TTI1: variants seen among roughly 807,000 people sequenced by gnomAD.
TTI1 encodes the protein TELO2 interacting protein 1.
In TTI1, 52 loss-of-function variants were observed where a neutral mutation model predicts 85.4. The observed-to-expected ratio is 0.61, with a 90% CI of 0.49 to 0.77. The LOEUF (loss-of-function observed/expected upper bound fraction) is 0.77, where lower values mean the gene tolerates loss of function less well. Ranked by LOEUF, TTI1 falls within the 30% of genes least tolerant of loss-of-function variation. TTI1 has a pLI of 0.00. For synonymous variants in TTI1, 512 were observed against 503.9 expected, an observed-to-expected ratio of 1.02 and a Z score of -0.22; for missense variants, 1,173 against 1,296.0, an observed-to-expected ratio of 0.91 and a Z score of 1.46.
chr20:37,988,378 C>T (rs1465521533), intron 7 of TTI1, among the ~76,000 whole-genome samples: 1 of 152,246 alleles, frequency 6.6e-6, no homozygotes, highest in Non-Finnish European at 1.5e-5. Flanking sequence ...AGAACCCCCT[C>T]TGCTCTGCTG....
At chr20:37,996,276 A>G (rs1483737814) in intron 7 of TTI1, 99 bp downstream of exon 7, 2 of 1,247,258 alleles carry the variant, frequency 1.6e-6, no homozygotes, top group African/African-American at 1.5e-5. Flanking sequence ...GCAGGGTGAC[A>G]GAGAAAAGAG....
At chr20:38,006,059 A>T in intron 3 of TTI1, 138 bp downstream of exon 3, 1 of 962,594 alleles carries the variant, frequency 1.0e-6, no homozygotes, top group Non-Finnish European at 1.5e-6. Flanking sequence ...TACACAAAAC[A>T]GGAGAATAGC....
At position 38,012,845 on chromosome 20, in the gene TTI1, T is replaced by C. The variant is rs569302194; in HGVS notation, c.972A>G (p.Ser324=). The C allele has an allele frequency of 5.6e-6, 9 of 1,614,206 alleles. No individual in the cohort carries two copies. Among genetic ancestry groups the C allele is most frequent in the East Asian group, 2.2e-5 (1 of 44,882 alleles). ...GAAGGGGACCAGCACATTCGACCAATGATTGACTGCACTTCAAAAGAAGGT... is the reference window on the plus strand; with the variant it reads ...GAAGGGGACCAGCACATTCGACCAACGATTGACTGCACTTCAAAAGAAGGT... ...VEDLLLKCSQ[S]LVECAGPLLK... is the part of the protein sequence containing the mutation. Residue 324 remains serine, a synonymous_variant, in exon 2 of 8, where the codon TCA becomes TCG. Coordinates refer to ENST00000373447, the MANE Select transcript of TTI1 (RefSeq NM_001303457.2).
chr20:38,031,228 G>A (rs542185618), intron 1 of TTI1, among the ~76,000 whole-genome samples: 97 of 152,318 alleles, frequency 6.4e-4, no homozygotes, highest in Non-Finnish European at 1.1e-3. Context: ...AAACTGCCCA[G>A]TGGACTTCAT....
intron 1 of TTI1, among the ~76,000 whole-genome samples, chr20:38,027,593 T>C (rs1271829662): frequency 1.3e-5 from 2 of 152,170 alleles, no homozygotes; most frequent in Non-Finnish European, 2.9e-5. Context: ...TATGCTGTGT[T>C]CTTACAATAA....
chr20:37,984,238 T>C (rs1208396666), intron 7 of TTI1, among the ~76,000 whole-genome samples: 1 of 152,202 alleles, frequency 6.6e-6, no homozygotes, highest in Non-Finnish European at 1.5e-5. Context: ...CCACAGAATA[T>C]GCCGCCTTTG....
chr20:37,984,370 G>A (rs1196765014), intron 7 of TTI1, among the ~76,000 whole-genome samples: 1 of 152,196 alleles, frequency 6.6e-6, no homozygotes, highest in African/African-American at 2.4e-5. Context: ...GAGCTCAAGG[G>A]CCCTGGGCTA....
rs906027014 is a variant in TTI1 at position 38,002,883 on chromosome 20, A to C, written c.2504-107T>G. ...TCAGTCTTAGGTATTTGGTTACAGC[A>C]GCACAAATGGACTGAGACACCTCCA... On this transcript the variant is annotated intron_variant, in intron 3 of 7. Transcript: ENST00000373447. 4.8e-6 allele frequency: 7 copies of C among 1,471,282 alleles called. No individual in the cohort carries two copies. In the South Asian group the frequency reaches 8.5e-5, roughly 18 times the overall value. 91.1% of individuals were successfully genotyped at this position (1,471,282 alleles called of 1,614,324 possible).
intron 1 of TTI1, among the ~76,000 whole-genome samples, chr20:38,029,855 C>T (rs905015808): frequency 6.6e-6 from 1 of 152,154 alleles, no homozygotes; most frequent in African/African-American, 2.4e-5. Flanking sequence ...GCACACTCAG[C>T]CCCCTGGCCC....
intron 1 of TTI1, among the ~76,000 whole-genome samples, chr20:38,031,263 C>T (rs915999707): frequency 6.6e-6 from 1 of 152,228 alleles, no homozygotes; most frequent in East Asian, 1.9e-4. Flanking sequence ...CATCTAAAGT[C>T]TATACTATTG....
At chr20:38,020,321 A>ATATATATATATAT (rs1443587921) in intron 1 of TTI1, among the ~76,000 whole-genome samples, 186 of 42,542 alleles carry the variant, frequency 4.4e-3, no homozygotes, top group African/African-American at 0.016. Flanking sequence ...AAAAAAAAAA[A>ATATATATATATAT]AAATATATAT....
rs142891009 is a variant in TTI1 at position 37,996,233 on chromosome 20, G to A, written c.3086+142C>T. ...ACATCTAGTAAAAATACCATCTCTA[G>A]TGCTGGCACAGTTAAAGAATTATCT... On this transcript the variant is annotated intron_variant, in intron 7 of 7. Coordinates refer to ENST00000373447, the MANE Select transcript of TTI1 (RefSeq NM_001303457.2). 993 of 825,844 alleles carry A rather than the reference G, an allele frequency of 1.2e-3. 15 individuals are homozygous for A. The African/African-American group carries it at 0.016, about 13-fold the overall frequency. 51.2% of individuals were successfully genotyped at this position (825,844 alleles called of 1,614,324 possible).
intron 1 of TTI1, among the ~76,000 whole-genome samples, chr20:38,021,547 A>G (rs1190436067): frequency 6.6e-6 from 1 of 152,226 alleles, no homozygotes; most frequent in Non-Finnish European, 1.5e-5. Flanking sequence ...CTGGATGAGT[A>G]GACAAAACCA....
Position 38,006,208 on chromosome 20 carries a change from T to C in TTI1, c.2492A>G (p.Asp831Gly). 6.2e-7 allele frequency: 1 copy of C among 1,614,216 alleles called. No homozygotes were observed. The highest frequency in any genetic ancestry group is 8.5e-7 in the Non-Finnish European group (1 of 1,180,034). Residue 831 changes from aspartate (D) to glycine (G), a missense_variant, in exon 3 of 8, where the codon GAT becomes GGT. Transcript: ENST00000373447. ...AATAAACAAGTTACCTTCTTCATTA[T>C]CAAAATCCGAGACATTTCCATCTGC... Reference protein sequence around the residue: ...DVADGNVSDFDNEEEEQSVPP... With the variant: ...DVADGNVSDFGNEEEEQSVPP...
At chr20:37,984,766 T>C (rs188703915) in intron 7 of TTI1, among the ~76,000 whole-genome samples, 128 of 152,296 alleles carry the variant, frequency 8.4e-4, no homozygotes, top group African/African-American at 2.7e-3. Context: ...CCTCACAACA[T>C]AAGCTCCCCA....
intron 1 of TTI1, among the ~76,000 whole-genome samples, chr20:38,023,953 T>C (rs1050572254): frequency 1.3e-5 from 2 of 152,172 alleles, no homozygotes; most frequent in African/African-American, 4.8e-5. Context: ...AGACTTCCCA[T>C]ACATATTTCC....
chr20:37,990,727 C>A (rs956110444), intron 7 of TTI1, among the ~76,000 whole-genome samples: 3 of 152,184 alleles, frequency 2.0e-5, no homozygotes, highest in African/African-American at 7.2e-5. Flanking sequence ...CGACCACAGC[C>A]TCTGATGACC....
intron 7 of TTI1, among the ~76,000 whole-genome samples, chr20:37,992,666 C>A (rs2073281444): frequency 6.6e-6 from 1 of 152,150 alleles, no homozygotes; most frequent in South Asian, 2.1e-4. Context: ...GATATAAAAC[C>A]TCACTGCAAA....
At chr20:37,996,587 G>A (rs980361455) in intron 6 of TTI1, 125 bp from the exon 7 acceptor site, 70 of 1,391,964 alleles carry the variant, frequency 5.0e-5, no homozygotes, top group Middle Eastern at 2.0e-4. Flanking sequence ...ACTCCATCCC[G>A]CCAAAGAACA....
Sources: allele counts gnomAD v4.1 joint callset (sites outside exome capture counted in the v4.1 genomes callset), GRCh38; gene constraint gnomAD v4.1.1; transcripts MANE v1.5; gene names NCBI Gene and HGNC (gene_info 2026-07-23, HGNC 2026-07-21).